The following THSD4 variants were observed in gnomAD, a reference collection of about 807,000 sequenced individuals.
The protein encoded by THSD4 is thrombospondin type 1 domain containing 4, also known as thrombospondin type-1 domain-containing protein 4.
Under a neutral mutation model 119.0 loss-of-function variants are expected in THSD4, and 69 were observed. The observed-to-expected ratio is 0.58, with a 90% CI of 0.48 to 0.71. The LOEUF (loss-of-function observed/expected upper bound fraction) is 0.71, where lower values mean the gene tolerates loss of function less well. Ranked by LOEUF, THSD4 falls within the 30% of genes least tolerant of loss-of-function variation. The probability of loss-of-function intolerance (pLI) is 0.00; values close to 1 mark genes in which losing one functional copy is unlikely to be tolerated. For missense variants in THSD4, 1,393 were observed against 1,391.1 expected (o/e 1.00, Z -0.02); for synonymous variants, 524 against 540.4 (o/e 0.97, Z 0.42).
intron 8 of THSD4, among the ~76,000 whole-genome samples, chr15:71,670,422 A>G (rs7170476): frequency 0.015 from 2,148 of 147,050 alleles, 53 homozygotes; most frequent in African/African-American, 0.051. Context: ...ATCCTTTTTT[A>G]TGGCTGCATA....
intron 6 of THSD4, among the ~76,000 whole-genome samples, chr15:71,329,838 T>C (rs1420745902): frequency 1.3e-5 from 2 of 152,210 alleles, no homozygotes; most frequent in African/African-American, 2.4e-5. Flanking sequence ...CCCAGCACTT[T>C]AGGAGGCCAA....
chr15:71,658,458 G>A (rs1437937343), intron 7 of THSD4, among the ~76,000 whole-genome samples: 3 of 152,136 alleles, frequency 2.0e-5, no homozygotes, highest in Non-Finnish European at 2.9e-5. Flanking sequence ...CACTAGACAG[G>A]GCAGGCAATG....
rs573598302 is a variant in THSD4, at chr15:71,647,855, A to G, written c.1153-12675A>G. 3.5e-4 allele frequency among the ~76,000 whole-genome samples: 53 copies of G among 152,292 alleles called. No individual in the cohort carries two copies. In the South Asian group the frequency reaches 9.5e-3, roughly 27 times the overall value. The stretch of plus-strand genomic sequence containing the variant: ...GATTGCAAGGGAATCAAGAGACGCT[A>G]TAGGAGATGCTGAAGCAGTGTGGCC... On this transcript the variant is annotated intron_variant, in intron 7 of 17. Transcript: ENST00000261862.
chr15:71,459,069 G>A (rs1005811151), intron 7 of THSD4, among the ~76,000 whole-genome samples: 1 of 151,730 alleles, frequency 6.6e-6, no homozygotes, highest in Admixed American at 6.6e-5. Flanking sequence ...GGACCTGAAA[G>A]GTATACTTTA....
chr15:71,232,426 A>G (rs557262783), intron 4 of THSD4, among the ~76,000 whole-genome samples: 6 of 152,134 alleles, frequency 3.9e-5, no homozygotes, highest in African/African-American at 1.2e-4. Flanking sequence ...GCACACACCA[A>G]TAAGAAACAG....
chr15:71,441,494 T>A (rs1595770238), intron 7 of THSD4, among the ~76,000 whole-genome samples: 1 of 147,828 alleles, frequency 6.8e-6, no homozygotes, highest in Admixed American at 6.8e-5. Context: ...TTTTTTTTTT[T>A]AAGCAATACT....
intron 6 of THSD4, among the ~76,000 whole-genome samples, chr15:71,314,650 A>G (rs1332547436): frequency 6.6e-6 from 1 of 152,164 alleles, no homozygotes; most frequent in Non-Finnish European, 1.5e-5. Flanking sequence ...TTGTGCTTTC[A>G]GCCTCAGAGA....
chr15:71,534,384 T>C (rs2048659743), intron 7 of THSD4, among the ~76,000 whole-genome samples: 1 of 152,210 alleles, frequency 6.6e-6, no homozygotes, highest in African/African-American at 2.4e-5. Flanking sequence ...CGTAGCAACG[T>C]GTTATTTGAT....
intron 3 of THSD4, among the ~76,000 whole-genome samples, chr15:71,187,831 C>T (rs1465394446): frequency 6.6e-6 from 1 of 152,188 alleles, no homozygotes. Context: ...GATTAATCTT[C>T]CTGAACCTCC....
intron 7 of THSD4, among the ~76,000 whole-genome samples, chr15:71,440,447 G>A (rs769471431): frequency 2.6e-5 from 4 of 152,132 alleles, no homozygotes; most frequent in Non-Finnish European, 5.9e-5. Context: ...AATGTTTGGT[G>A]TACTCATGCT....
intron 7 of THSD4, among the ~76,000 whole-genome samples, chr15:71,447,117 TG>T (rs1435945297): frequency 0.29 from 18,599 of 64,678 alleles, 2,457 homozygotes; most frequent in Non-Finnish European, 0.36. Context: ...CCATTTTTTT[TG>T]TTTTTTTTTT....
intron 6 of THSD4, among the ~76,000 whole-genome samples, chr15:71,406,539 C>T (rs1054506518): frequency 3.3e-5 from 5 of 151,992 alleles, no homozygotes; most frequent in Admixed American, 6.6e-5. Flanking sequence ...CCATATTGAT[C>T]TTCTGTCTCA....
At chr15:71,543,975 C>T (rs953418422) in intron 7 of THSD4, among the ~76,000 whole-genome samples, 1 of 152,130 alleles carries the variant, frequency 6.6e-6, no homozygotes, top group African/African-American at 2.4e-5. Flanking sequence ...TTGCAATGAG[C>T]TGAGGTTGCA....
intron 3 of THSD4, among the ~76,000 whole-genome samples, chr15:71,192,617 T>C (rs892011096): frequency 6.6e-6 from 1 of 152,092 alleles, no homozygotes; most frequent in African/African-American, 2.4e-5. Flanking sequence ...TTCTCGACAG[T>C]TTTTTTCCAG....
intron 3 of THSD4, chr15:71,172,219 G>A (rs192302750): frequency 6.6e-6 from 1 of 152,218 alleles, no homozygotes; most frequent in East Asian, 1.9e-4. Flanking sequence ...CAGCTACTTA[G>A]TAGGCTGAGG....
intron 7 of THSD4, among the ~76,000 whole-genome samples, chr15:71,657,835 C>G (rs1249478498): frequency 6.6e-6 from 1 of 152,134 alleles, no homozygotes; most frequent in Non-Finnish European, 1.5e-5. Context: ...GGGGTGTGTC[C>G]ATCAAACTGT....
upstream of THSD4, chr15:71,113,811 T>A: frequency 6.6e-6 from 1 of 152,374 alleles, no homozygotes; most frequent in South Asian, 2.1e-4. Context: ...CAAATCTTAT[T>A]AGTTTTGCTT....
At chr15:71,600,506 T>G (rs191323969) in intron 7 of THSD4, among the ~76,000 whole-genome samples, 165 of 152,308 alleles carry the variant, frequency 1.1e-3, no homozygotes, top group African/African-American at 2.7e-3. Flanking sequence ...ATGAGGCACT[T>G]TCTAAATATC....
intron 7 of THSD4, among the ~76,000 whole-genome samples, chr15:71,538,419 A>G (rs1190529583): frequency 6.6e-6 from 1 of 152,204 alleles, no homozygotes; most frequent in Non-Finnish European, 1.5e-5. Flanking sequence ...TAGTCAGGTA[A>G]ATGATCTGTC....
Sources: gnomAD v4.1 joint callset for allele counts (sites outside exome capture counted in the v4.1 genomes callset) on GRCh38, gnomAD v4.1.1 for gene constraint, MANE v1.5 for transcripts, NCBI Gene and HGNC (gene_info 2026-07-23, HGNC 2026-07-21) for gene names.